The following CCKAR variants were observed in gnomAD, a reference collection of about 807,000 sequenced individuals.
The protein encoded by CCKAR is cholecystokinin A receptor.
A neutral mutation model predicts 29.8 loss-of-function variants in CCKAR; 21 were observed. That is an observed-to-expected ratio of 0.70 (90% CI 0.50 to 1.01). The LOEUF (loss-of-function observed/expected upper bound fraction) is 1.01, where lower values mean the gene tolerates loss of function less well. Ranked by LOEUF, CCKAR falls within the 50% of genes least tolerant of loss-of-function variation. The pLI is 0.00. For missense variants in CCKAR, 570 were observed against 560.6 expected (o/e 1.02, Z -0.17); for synonymous variants, 238 against 221.3 (o/e 1.08, Z -0.67).
Position 26,489,323 on chromosome 4 carries a change from G to GACAGAGCATGAGGTC in CCKAR, c.259_273dup (p.Asp87_Cys91dup). 1.2e-6 allele frequency: 2 copies of GACAGAGCATGAGGTC among 1,614,172 alleles called. No individual in the cohort carries two copies. Among genetic ancestry groups the GACAGAGCATGAGGTC allele is most frequent in the Non-Finnish European group, 1.7e-6 (2 of 1,180,038 alleles). ...ATGAGGTTGAACGGCATGCAGAAGA[G>GACAGAGCATGAGGTC]ACAGAGCATGAGGTCGCTGACAGCC... On this transcript the variant is annotated inframe_insertion, in exon 2 of 5. Coordinates refer to ENST00000295589, the MANE Select transcript of CCKAR (RefSeq NM_000730.3).
chr4:26,489,830 C>T (rs1737523471), intron 1 of CCKAR, among the ~76,000 whole-genome samples: 1 of 152,130 alleles, frequency 6.6e-6, no homozygotes, highest in African/African-American at 2.4e-5. Flanking sequence ...AAGAAAACAG[C>T]TGCATGGTGA....
chr4:26,483,381 G>T, intron 3 of CCKAR, 98 bp from the exon 4 acceptor site: 2 of 1,160,788 alleles, frequency 1.7e-6, no homozygotes, highest in South Asian at 1.7e-5. Context: ...TTACTGGCCT[G>T]AGCAAACACA....
At chr4:26,482,984 T>C (rs1346333954) in intron 4 of CCKAR, among the ~76,000 whole-genome samples, 172 bp downstream of exon 4, 1 of 152,204 alleles carries the variant, frequency 6.6e-6, no homozygotes, top group Non-Finnish European at 1.5e-5. Flanking sequence ...ATTTTACAGA[T>C]AAGAAAATGA....
chr4:26,489,307 A>G lies in CCKAR; in HGVS notation c.290T>C (p.Phe97Ser), dbSNP rs1324036608. 6.2e-7 allele frequency: 1 copy of G among 1,614,130 alleles called. No individual in the cohort carries two copies. Among genetic ancestry groups the G allele is most frequent in the South Asian group, 1.1e-5 (1 of 91,074 alleles). The change falls in exon 2 of 5, where the codon TTC (phenylalanine) becomes TCC (serine). Residue 97 changes from phenylalanine (F) to serine (S), a missense_variant. Phe to Ser is a radical substitution (Grantham distance 155). Transcript: ENST00000295589. ...CTTGAGCAGATTGGGGATGAGGTTG[A>G]ACGGCATGCAGAAGAGACAGAGCAT... ...DLMLCLFCMP[F>S]NLIPNLLKDF... is the part of the protein sequence containing the mutation.
At chr4:26,486,421 T>C (rs1737451754) in intron 2 of CCKAR, among the ~76,000 whole-genome samples, 2 of 152,212 alleles carry the variant, frequency 1.3e-5, no homozygotes, top group South Asian at 4.1e-4. Flanking sequence ...AGTGAAACAA[T>C]CTATATTTCA....
At position 26,490,260 on chromosome 4, in the gene CCKAR, A is replaced by G. The variant is rs893590061; in HGVS notation, c.8T>C (p.Val3Ala). 1.2e-6 allele frequency: 2 copies of G among 1,607,804 alleles called. No individual in the cohort carries two copies. The highest frequency in any genetic ancestry group is 2.7e-5 in the African/African-American group (2 of 74,844). MD[V>A]VDSLLVNGSN... ...TCCATTCACAAGAAGGCTGTCAACCACATCCATCCTTGCCTGCTGCTTTCC... is the reference window on the plus strand; with the variant it reads ...TCCATTCACAAGAAGGCTGTCAACCGCATCCATCCTTGCCTGCTGCTTTCC... Residue 3 changes from valine (V) to alanine (A), a missense_variant, in exon 1 of 5, where the codon GTG becomes GCG. Transcript: ENST00000295589.
chr4:26,489,139 G>C, intron 2 of CCKAR, 94 bp downstream of exon 2: 1 of 1,495,288 alleles, frequency 6.7e-7, no homozygotes, highest in Non-Finnish European at 9.2e-7. Context: ...CCCTCAGCAG[G>C]GCTCCTTTGC....
chr4:26,488,420 A>G (rs913639994), intron 2 of CCKAR, among the ~76,000 whole-genome samples: 2 of 152,210 alleles, frequency 1.3e-5, no homozygotes, highest in Non-Finnish European at 1.5e-5. Context: ...GAATCATTGC[A>G]TTTACTTCAT....
rs1737343484 is a variant in CCKAR at position 26,481,549 on chromosome 4, C to T, written c.*89G>A. On this transcript the variant is annotated 3_prime_UTR_variant, in exon 5 of 5. Coordinates refer to ENST00000295589, the MANE Select transcript of CCKAR (RefSeq NM_000730.3). ...ATGGAGCCTTCCTTCTCCATCAGCT[C>T]TGCTCCTTCTCTTCCTGATCTCTTC... 2 of 1,391,550 alleles carry T rather than the reference C, an allele frequency of 1.4e-6. No homozygotes were observed. The highest frequency in any genetic ancestry group is 2.0e-6 in the Non-Finnish European group (2 of 988,104). The allele number at this position is 1,391,550 out of a possible 1,614,324, so 86.2% of individuals were successfully genotyped here.
intron 2 of CCKAR, 59 bp from the exon 3 acceptor site, chr4:26,485,957 C>T: frequency 6.6e-7 from 1 of 1,516,430 alleles, no homozygotes; most frequent in Non-Finnish European, 9.0e-7. Flanking sequence ...TTTATTTGCA[C>T]ATTAGCTTGA....
chr4:26,484,856 A>G (rs1737415614), intron 3 of CCKAR, among the ~76,000 whole-genome samples: 1 of 121,020 alleles, frequency 8.3e-6, no homozygotes, highest in South Asian at 2.5e-4. Flanking sequence ...AGCCTAGGCA[A>G]TATAGTGAGA....
rs117553866 is a variant in CCKAR, at chr4:26,485,617, A to G, written c.626+20T>C. ...AATTACATCAAGCTGTATTTTTAAA[A>G]ATAAACAATGCAACCTTACCAGGAC... On this transcript the variant is annotated intron_variant, in intron 3 of 4. Transcript: ENST00000295589. 551 of 1,609,510 alleles carry G rather than the reference A, an allele frequency of 3.4e-4. 3 individuals carry two copies. In the East Asian group the frequency reaches 8.4e-3, roughly 25 times the overall value.
intron 3 of CCKAR, among the ~76,000 whole-genome samples, chr4:26,485,121 G>A (rs1354887264): frequency 6.6e-6 from 1 of 151,224 alleles, no homozygotes; most frequent in African/African-American, 2.4e-5. Flanking sequence ...TTGAACCCGG[G>A]AGGTCGAGGT....
intron 2 of CCKAR, 76 bp downstream of exon 2, chr4:26,489,157 G>T: frequency 6.4e-7 from 1 of 1,573,770 alleles, no homozygotes; most frequent in Non-Finnish European, 8.7e-7. Flanking sequence ...TGCTGTGATT[G>T]TCAGAGGTTT....
intron 2 of CCKAR, among the ~76,000 whole-genome samples, chr4:26,488,433 A>G (rs1737489886): frequency 6.6e-6 from 1 of 152,152 alleles, no homozygotes; most frequent in Non-Finnish European, 1.5e-5. Flanking sequence ...TACTTCATAG[A>G]GTGGTTGGGA....
At chr4:26,487,148 G>T (rs185676876) in intron 2 of CCKAR, among the ~76,000 whole-genome samples, 157 of 152,200 alleles carry the variant, frequency 1.0e-3, no homozygotes, top group African/African-American at 3.7e-3. Context: ...CTCTTACCAA[G>T]ATTTCTTAAA....
chr4:26,488,717 G>T (rs1737495048), intron 2 of CCKAR, among the ~76,000 whole-genome samples: 2 of 152,248 alleles, frequency 1.3e-5, no homozygotes, highest in Middle Eastern at 3.4e-3. Context: ...AGTGAATCCT[G>T]AGAAGAGAAT....
In CCKAR at chr4:26,481,968, C is replaced by T; in HGVS notation, c.957G>A (p.Val319=). The T allele has an allele frequency of 6.2e-7, 1 of 1,614,246 alleles. No individual in the cohort carries two copies. Among genetic ancestry groups the T allele is most frequent in the East Asian group, 2.2e-5 (1 of 44,882 alleles). The change falls in exon 5 of 5, where the codon GTG becomes GTA. Residue 319 remains valine, a synonymous_variant. Coordinates refer to ENST00000295589, the MANE Select transcript of CCKAR (RefSeq NM_000730.3). The stretch of plus-strand genomic sequence containing the variant: ...GCATCCAGCACAGGAAGAAGAGGAC[C>T]ACGATGACGATGAGCATGCGGATCA... The part of the protein sequence containing the change: ...KRVIRMLIVI[V]VLFFLCWMPI...
chr4:26,482,722 G>T (rs1737374951), intron 4 of CCKAR, among the ~76,000 whole-genome samples: 1 of 152,168 alleles, frequency 6.6e-6, no homozygotes, highest in Non-Finnish European at 1.5e-5. Context: ...ACTGCAGGGT[G>T]AAAATAAAAA....
Sources: allele counts gnomAD v4.1 joint callset (sites outside exome capture counted in the v4.1 genomes callset), GRCh38; gene constraint gnomAD v4.1.1; transcripts MANE v1.5; gene names NCBI Gene and HGNC (gene_info 2026-07-23, HGNC 2026-07-21).